Variants in TNKS2 observed in about 807,000 individuals in gnomAD.
TNKS2 encodes poly [ADP-ribose] polymerase tankyrase-2.
In TNKS2, 72 loss-of-function variants were observed where a neutral mutation model predicts 137.6. That is an observed-to-expected ratio of 0.52 (90% CI 0.43 to 0.64). TNKS2 has a LOEUF of 0.64. Among genes scored for constraint, TNKS2 ranks in the 30% least tolerant of loss-of-function variants. The probability of loss-of-function intolerance (pLI) is 0.00; values close to 1 mark genes in which losing one functional copy is unlikely to be tolerated. For synonymous variants in TNKS2, 516 were observed against 512.1 expected (o/e 1.01, Z -0.10); for missense variants, 1,049 against 1,410.2 (o/e 0.74, Z 4.10).
chr10:91,817,257 G>T, intron 3 of TNKS2, 28 bp downstream of exon 3: 1 of 1,562,926 alleles, frequency 6.4e-7, no homozygotes, highest in East Asian at 2.3e-5. Flanking sequence ...GGTTATTCCA[G>T]GAAGCCTGTA....
At position 91,834,025 on chromosome 10, in the gene TNKS2, G is replaced by A; in HGVS notation, c.1447+1G>A. On this transcript the variant is annotated splice_donor_variant, in intron 12 of 26. Transcript: ENST00000371627. LOFTEE classifies it high-confidence loss of function. Reference sequence around the variant, plus strand: ...GAAAATGTACAGCAACTCCTCCAAGGTATTACATGCTTCAATGAAATTGAT... The same window carrying A: ...GAAAATGTACAGCAACTCCTCCAAGATATTACATGCTTCAATGAAATTGAT... 2 of 1,556,934 alleles carry A rather than the reference G, an allele frequency of 1.3e-6. No homozygotes were observed. The highest frequency in any genetic ancestry group is 1.7e-6 in the Non-Finnish European group (2 of 1,153,404).
In TNKS2 at chr10:91,817,112, A is replaced by G. The variant is rs1378062433; in HGVS notation, c.425-22A>G. 2.6e-6 allele frequency: 4 copies of G among 1,565,626 alleles called. No homozygotes were observed. The East Asian group carries it at 6.7e-5, about 26-fold the overall frequency. The stretch of plus-strand genomic sequence containing the variant: ...TTGTTAAGATTACCATTGAACTTCA[A>G]AATAGTGTTGCTATTTTGCAGTGCT... On this transcript the variant is annotated intron_variant, in intron 2 of 26. Coordinates refer to ENST00000371627, the MANE Select transcript of TNKS2 (RefSeq NM_025235.4).
Position 91,827,190 on chromosome 10 carries a change from A to C in TNKS2, c.969A>C (p.Lys323Asn). 1 of 1,557,048 alleles carries C rather than the reference A, an allele frequency of 6.4e-7. No individual in the cohort carries two copies. The highest frequency in any genetic ancestry group is 8.7e-7 in the Non-Finnish European group (1 of 1,149,472). ...ACTTGGCTCCCACACCACAGTTAAA[A>C]GAAAGATTAGCATGTGAGTATAAAA... ...AIDLAPTPQL[K>N]ERLAYEFKGH... The change falls in exon 8 of 27, where the codon AAA (lysine) becomes AAC (asparagine). Residue 323 changes from lysine to asparagine, a missense_variant. This residue lies in a region of TNKS2 where 374 missense variants were observed against 460.8 expected (regional missense o/e 0.81). Coordinates refer to ENST00000371627, the MANE Select transcript of TNKS2 (RefSeq NM_025235.4).
At chr10:91,816,990 G>A (rs751833439) in intron 2 of TNKS2, 144 bp from the exon 3 acceptor site, 44 of 562,784 alleles carry the variant, frequency 7.8e-5, no homozygotes, top group Admixed American at 3.8e-4. Context: ...TATTTAAAAT[G>A]TAACATTCCC....
rs771269907 is a variant in TNKS2 at position 91,845,765 on chromosome 10, C to T, written c.2183C>T (p.Ala728Val). ...NAASYGHVDVAALLIKYNACV... is the reference protein window; with the variant it reads ...NAASYGHVDVVALLIKYNACV... ...TTTCTTTTACAGCATGTAGATGTAG[C>T]AGCTCTACTAATAAAGTATAATGCA... is the stretch of plus-strand genomic sequence containing the variant. Residue 728 changes from alanine (A) to valine (V), a missense_variant, in exon 18 of 27, where the codon GCA (alanine) becomes GTA (valine). By Grantham distance (64) the Ala-to-Val change is moderately conservative. Around this residue, in one of 6 missense-constraint regions of TNKS2, gnomAD observed 328 missense variants for 436.0 expected, o/e 0.75. Transcript: ENST00000371627. 6.5e-7 allele frequency: 1 copy of T among 1,538,440 alleles called. No homozygotes were observed. Among genetic ancestry groups the T allele is most frequent in the Non-Finnish European group, 8.8e-7 (1 of 1,131,448 alleles).
At chr10:91,832,226 T>C (rs892265121) in intron 11 of TNKS2, among the ~76,000 whole-genome samples, 1 of 152,218 alleles carries the variant, frequency 6.6e-6, no homozygotes, top group Non-Finnish European at 1.5e-5. Flanking sequence ...CTCTCTGTTC[T>C]ATATCTGTTT....
chr10:91,858,273 T>C (rs536806632), intron 24 of TNKS2, among the ~76,000 whole-genome samples: 1 of 152,330 alleles, frequency 6.6e-6, no homozygotes, highest in Admixed American at 6.5e-5. Context: ...AATGGATTCA[T>C]GTGCAGAATC....
At chr10:91,815,436 C>T (rs1321862322) in intron 2 of TNKS2, among the ~76,000 whole-genome samples, 1 of 151,830 alleles carries the variant, frequency 6.6e-6, no homozygotes, top group African/African-American at 2.4e-5. Context: ...ACTCTGGTAC[C>T]TCAGAATCTT....
intron 7 of TNKS2, among the ~76,000 whole-genome samples, chr10:91,824,641 T>C (rs186565898): frequency 9.8e-5 from 15 of 152,338 alleles, no homozygotes; most frequent in African/African-American, 4.8e-5. Flanking sequence ...TGCACACTTC[T>C]ATGGTTGACT....
At chr10:91,813,230 C>G (rs534927872) in intron 2 of TNKS2, 23 bp downstream of exon 2, 3 of 1,582,526 alleles carry the variant, frequency 1.9e-6, no homozygotes, top group Non-Finnish European at 2.6e-6. Context: ...ACTTTTCCGA[C>G]TTTTACTAAT....
chr10:91,849,200 TG>T (rs1842469646), intron 19 of TNKS2, among the ~76,000 whole-genome samples: 1 of 152,252 alleles, frequency 6.6e-6, no homozygotes, highest in Non-Finnish European at 1.5e-5. Flanking sequence ...TGCAACAGTG[TG>T]GAGCTTGTTT....
At chr10:91,855,509 T>C in intron 22 of TNKS2, 105 bp from the exon 23 acceptor site, 1 of 919,950 alleles carries the variant, frequency 1.1e-6, no homozygotes, top group Admixed American at 2.9e-5. Flanking sequence ...AAAACCTGTT[T>C]TGTATTCTCA....
chr10:91,835,297 CT>C (rs1189682250), intron 12 of TNKS2, among the ~76,000 whole-genome samples: 1 of 117,986 alleles, frequency 8.5e-6, no homozygotes, highest in South Asian at 2.8e-4. Context: ...TTTTTTTTTT[CT>C]TTTTTTTTCC....
intron 2 of TNKS2, 82 bp from the exon 3 acceptor site, chr10:91,817,052 C>A: frequency 1.1e-6 from 1 of 927,670 alleles, no homozygotes; most frequent in Non-Finnish European, 1.7e-6. Context: ...TTTGCTGGAC[C>A]AGACTTCTTG....
chr10:91,819,693 A>C, intron 5 of TNKS2, 136 bp downstream of exon 5: 1 of 821,556 alleles, frequency 1.2e-6, no homozygotes, highest in Non-Finnish European at 1.9e-6. Flanking sequence ...TCAGTATTTC[A>C]AATTCTTAAG....
intron 3 of TNKS2, among the ~76,000 whole-genome samples, chr10:91,817,558 A>G (rs1844748267): frequency 6.6e-6 from 1 of 152,144 alleles, no homozygotes; most frequent in East Asian, 1.9e-4. Context: ...TGCCCTTTAC[A>G]TGCAGGTTGA....
chr10:91,841,075 T>C (rs940137977), intron 14 of TNKS2, among the ~76,000 whole-genome samples: 7 of 152,350 alleles, frequency 4.6e-5, no homozygotes, highest in South Asian at 2.1e-4. Flanking sequence ...ATGAATGTTA[T>C]AGTCTCTGCA....
In TNKS2 at chr10:91,827,352, T is replaced by A. The variant is rs532356819; in HGVS notation, c.982+149T>A. On this transcript the variant is annotated intron_variant, in intron 8 of 26. Transcript: ENST00000371627. ...CTGTTGTTTAGCATATTTAATAATT[T>A]GGAAGTTTCTACTTAAGATGCTATG... The A allele has an allele frequency of 3.4e-5, 22 of 638,594 alleles. No homozygotes were observed. The East Asian group carries it at 4.7e-4, about 14-fold the overall frequency. 39.6% of individuals were successfully genotyped at this position (638,594 alleles called of 1,614,324 possible).
intron 7 of TNKS2, among the ~76,000 whole-genome samples, chr10:91,823,861 A>G (rs1278123511): frequency 1.3e-5 from 2 of 152,162 alleles, no homozygotes; most frequent in African/African-American, 4.8e-5. Context: ...ACGTTTTCCC[A>G]TAGAAACAAC....
Sources: allele counts gnomAD v4.1 joint callset (sites outside exome capture counted in the v4.1 genomes callset), GRCh38; gene constraint gnomAD v4.1.1; regional missense constraint gnomAD v4.1.1; transcripts MANE v1.5; gene names NCBI Gene and HGNC (gene_info 2026-07-23, HGNC 2026-07-21).